The following ZNF732 variants were observed in gnomAD, a reference collection of about 807,000 sequenced individuals.
The protein encoded by ZNF732 is zinc finger protein 732.
Under a neutral mutation model 11.5 loss-of-function variants are expected in ZNF732, and 12 were observed. That is an observed-to-expected ratio of 1.05 (90% CI 0.67 to 1.70). ZNF732 has a LOEUF of 1.70. ZNF732 is among the 40% of genes most tolerant of loss of function. The pLI is 0.00. For missense variants in ZNF732, 702 were observed against 676.9 expected (o/e 1.04, Z -0.41); for synonymous variants, 231 against 236.5 (o/e 0.98, Z 0.21).
In ZNF732 at chr4:271,312, T is replaced by A; in HGVS notation, c.1545A>T (p.Thr515=). The change falls in exon 4 of 4, where the codon ACA becomes ACT. Residue 515 remains threonine (T), a synonymous_variant. Coordinates refer to ENST00000419098, the MANE Select transcript of ZNF732 (RefSeq NM_001137608.3). ...GAATTTTCTTATGTTTACTCAGGTA[T>A]GTGGACCATCCAAAGGCTTTGCCAC... ...EECGKAFGWS[T]YLSKHKKIHT... is the part of the protein sequence containing the mutation. 1.2e-6 allele frequency: 2 copies of A among 1,603,172 alleles called. No individual in the cohort carries two copies. The highest frequency in any genetic ancestry group is 1.7e-6 in the Non-Finnish European group (2 of 1,174,034).
In ZNF732 at chr4:271,590, A is replaced by C. The variant is rs1560155141; in HGVS notation, c.1267T>G (p.Cys423Gly). ...TGERPHKCEE[C>G]GKAFGWSTDL... ...GTGGACCATCCAAAGGCTTTGCCAC[A>C]CTCTTCACATTTGTGGGGCCTCTCT... Residue 423 changes from cysteine (C) to glycine (G), a missense_variant, in exon 4 of 4, where the codon TGT becomes GGT. Physicochemically the swap from Cys to Gly is radical, Grantham distance 159 (BLOSUM62 -3). This residue lies in a region of ZNF732 where 596 missense variants were observed against 557.9 expected (regional missense o/e 1.07). Transcript: ENST00000419098. The C allele has an allele frequency of 6.2e-7, 1 of 1,613,208 alleles. No homozygotes were observed. The highest frequency in any genetic ancestry group is 1.7e-5 in the Admixed American group (1 of 59,878).
At position 305,408 on chromosome 4, in the gene ZNF732, A is replaced by ACG. The variant is rs1720212895; in HGVS notation, c.-100_-99dup. On this transcript the variant is annotated 5_prime_UTR_variant, in exon 1 of 4. Coordinates refer to ENST00000419098, the MANE Select transcript of ZNF732 (RefSeq NM_001137608.3). ...GGCTGAGGCTGTGACCGAATCACCGACGCCTCCCTGAGGGGTGAAAGCACG... is the reference window on the plus strand; with the variant it reads ...GGCTGAGGCTGTGACCGAATCACCGACGCGCCTCCCTGAGGGGTGAAAGCACG... The ACG allele has an allele frequency of 5.1e-6, 8 of 1,560,702 alleles. No individual in the cohort carries two copies. In the South Asian group the frequency reaches 7.8e-5, roughly 15 times the overall value.
rs535871773 is a variant in ZNF732, at chr4:300,499, C to G, written c.4-4344G>C. Among the ~76,000 whole-genome samples, 8 of 151,298 alleles carry G rather than the reference C, an allele frequency of 5.3e-5. No homozygotes were observed. In the East Asian group the frequency reaches 1.6e-3, roughly 29 times the overall value. On this transcript the variant is annotated intron_variant, in intron 1 of 3. Transcript: ENST00000419098. ...AGAAAAGAAAAGAAAAAATTATAGCCATTTGTGGCAATAGCACACAATTAC... is the reference window on the plus strand; with the variant it reads ...AGAAAAGAAAAGAAAAAATTATAGCGATTTGTGGCAATAGCACACAATTAC...
At chr4:281,945 T>C (rs1313060624) in intron 3 of ZNF732, among the ~76,000 whole-genome samples, 2 of 152,170 alleles carry the variant, frequency 1.3e-5, no homozygotes, top group African/African-American at 4.8e-5. Flanking sequence ...CACATATTAC[T>C]AAATTTTTTG....
chr4:282,968 TA>T (rs1340514451), intron 3 of ZNF732, among the ~76,000 whole-genome samples: 1 of 152,034 alleles, frequency 6.6e-6, no homozygotes, highest in Non-Finnish European at 1.5e-5. Flanking sequence ...CCTTTAAATA[TA>T]AAAAAAATTT....
chr4:305,327 T>G lies in ZNF732; in HGVS notation c.-17A>C. On this transcript the variant is annotated 5_prime_UTR_variant, in exon 1 of 4. Transcript: ENST00000419098. The stretch of plus-strand genomic sequence containing the variant: ...ACTCACCATTTCCCCACTTCAGGGG[T>G]GTAGCGGAGTCTCAGCTACGAATCA... 1 of 1,607,762 alleles carries G rather than the reference T, an allele frequency of 6.2e-7. No individual in the cohort carries two copies. Among genetic ancestry groups the G allele is most frequent in the Non-Finnish European group, 8.5e-7 (1 of 1,179,816 alleles).
At chr4:274,174 T>C (rs75849171) in intron 3 of ZNF732, among the ~76,000 whole-genome samples, 2,074 of 151,774 alleles carry the variant, frequency 0.014, 54 homozygotes, top group African/African-American at 0.048. Context: ...GAGGAAAGCA[T>C]AAAAATGATC....
At chr4:287,268 G>A (rs902525245) in intron 3 of ZNF732, among the ~76,000 whole-genome samples, 3 of 151,314 alleles carry the variant, frequency 2.0e-5, no homozygotes, top group African/African-American at 7.3e-5. Context: ...AGACTGTAGT[G>A]CAATGGCGTG....
chr4:284,459 T>C (rs1719685628), intron 3 of ZNF732, among the ~76,000 whole-genome samples: 1 of 152,184 alleles, frequency 6.6e-6, no homozygotes, highest in Admixed American at 6.5e-5. Context: ...TATAATTTTA[T>C]ATTTAAAAAA....
intron 3 of ZNF732, among the ~76,000 whole-genome samples, chr4:294,097 G>A (rs1340897764): frequency 2.0e-5 from 3 of 152,180 alleles, no homozygotes; most frequent in Non-Finnish European, 2.9e-5. Flanking sequence ...TGCCTCCCAG[G>A]TTCAAGTGAT....
At chr4:280,562 G>A (rs1719600474) in intron 3 of ZNF732, among the ~76,000 whole-genome samples, 1 of 152,098 alleles carries the variant, frequency 6.6e-6, no homozygotes, top group Non-Finnish European at 1.5e-5. Flanking sequence ...TCCAGCCTGG[G>A]CAACAAGAGC....
At chr4:272,697 A>T (rs1463623936) in intron 3 of ZNF732, 67 bp from the exon 4 acceptor site, 1 of 1,333,706 alleles carries the variant, frequency 7.5e-7, no homozygotes, top group Non-Finnish European at 9.9e-7. Flanking sequence ...AAAATCTAAT[A>T]TATAAACTTA....
In ZNF732 at chr4:270,725, G is replaced by A. The variant is rs576068470; in HGVS notation, c.*374C>T. The A allele has an allele frequency of 4.7e-5, 20 of 421,128 alleles. No homozygotes were observed. The East Asian group carries it at 5.5e-4, about 11-fold the overall frequency. The allele number at this position is 421,128 out of a possible 1,614,324, so 26.1% of individuals were successfully genotyped here. The stretch of plus-strand genomic sequence containing the variant: ...TGAATTTTCTCATGTTTATTTATGG[G>A]TGAGGACCGTTTATAGGCTTTCCCA... On this transcript the variant is annotated 3_prime_UTR_variant, in exon 4 of 4. Transcript: ENST00000419098.
At chr4:300,038 G>C (rs955359532) in intron 1 of ZNF732, among the ~76,000 whole-genome samples, 1 of 151,780 alleles carries the variant, frequency 6.6e-6, no homozygotes. Flanking sequence ...AAGGGAGGCA[G>C]AGAGGGAACT....
chr4:299,254 T>C (rs1720027652), intron 1 of ZNF732, among the ~76,000 whole-genome samples: 2 of 151,228 alleles, frequency 1.3e-5, no homozygotes, highest in African/African-American at 4.9e-5. Context: ...TAAACACAAG[T>C]AGAAAGTTTA....
chr4:279,176 T>C (rs1365574106), intron 3 of ZNF732, among the ~76,000 whole-genome samples: 1 of 151,016 alleles, frequency 6.6e-6, no homozygotes, highest in African/African-American at 2.4e-5. Context: ...CAGTGGCTCA[T>C]GCCTATAATT....
At chr4:285,567 A>G (rs1553840512) in intron 3 of ZNF732, among the ~76,000 whole-genome samples, 1 of 152,160 alleles carries the variant, frequency 6.6e-6, no homozygotes, top group African/African-American at 2.4e-5. Flanking sequence ...TGCAGAAATC[A>G]CTTTATAGCA....
At chr4:297,626 A>C (rs1012266768) in intron 1 of ZNF732, among the ~76,000 whole-genome samples, 1 of 151,680 alleles carries the variant, frequency 6.6e-6, no homozygotes, top group Non-Finnish European at 1.5e-5. Flanking sequence ...AAAAAAAAAA[A>C]AAAAAACTGC....
intron 3 of ZNF732, among the ~76,000 whole-genome samples, chr4:273,033 C>T (rs1553838116): frequency 6.6e-6 from 1 of 152,004 alleles, no homozygotes; most frequent in Non-Finnish European, 1.5e-5. Context: ...GGGATCTTTA[C>T]AAAAACTGGT....
Sources: allele counts gnomAD v4.1 joint callset (sites outside exome capture counted in the v4.1 genomes callset), GRCh38; gene constraint gnomAD v4.1.1; regional missense constraint gnomAD v4.1.1; transcripts MANE v1.5; gene names NCBI Gene and HGNC (gene_info 2026-07-23, HGNC 2026-07-21).